The following GABBR2 variants were observed in gnomAD, a reference collection of about 807,000 sequenced individuals.
The protein encoded by GABBR2 is G-protein coupled receptor 51.
Under a neutral mutation model 105.6 loss-of-function variants are expected in GABBR2, and 23 were observed. The observed-to-expected ratio is 0.22, with a 90% CI of 0.16 to 0.31. The LOEUF (loss-of-function observed/expected upper bound fraction) is 0.31. GABBR2 is among the 10% of genes least tolerant of loss of function. GABBR2 has a pLI of 1.00. For missense variants in GABBR2, 734 were observed against 1,245.5 expected, an observed-to-expected ratio of 0.59 and a Z score of 6.18; for synonymous variants, 478 against 499.7, an observed-to-expected ratio of 0.96 and a Z score of 0.58.
intron 7 of GABBR2, among the ~76,000 whole-genome samples, chr9:98,409,002 A>T (rs933348112): frequency 3.9e-5 from 6 of 152,218 alleles, no homozygotes; most frequent in Admixed American, 2.0e-4. Flanking sequence ...TCAAGACGTT[A>T]TAAGAAAGCT....
intron 1 of GABBR2, among the ~76,000 whole-genome samples, chr9:98,703,730 C>A (rs1367409073): frequency 6.6e-6 from 1 of 151,976 alleles, no homozygotes; most frequent in Admixed American, 6.6e-5. Context: ...TGGCCTCAAG[C>A]AATCCTCTCA....
At chr9:98,412,254 A>G (rs1832604052) in intron 7 of GABBR2, among the ~76,000 whole-genome samples, 1 of 152,160 alleles carries the variant, frequency 6.6e-6, no homozygotes, top group Admixed American at 6.5e-5. Flanking sequence ...CTGAGTGAAG[A>G]CTCGCTGGGC....
At chr9:98,362,666 C>A in intron 13 of GABBR2, 49 bp downstream of exon 13, 1 of 1,435,528 alleles carries the variant, frequency 7.0e-7, no homozygotes, top group Non-Finnish European at 9.2e-7. Flanking sequence ...TCCTCATGTG[C>A]CAGGGGCTGC....
intron 6 of GABBR2, among the ~76,000 whole-genome samples, chr9:98,460,435 G>T (rs1826403845): frequency 6.6e-6 from 1 of 152,020 alleles, no homozygotes; most frequent in African/African-American, 2.4e-5. Context: ...ATTAAAAGAT[G>T]CAGAATGTCA....
At chr9:98,422,658 T>G (rs1217151470) in intron 7 of GABBR2, among the ~76,000 whole-genome samples, 2 of 152,058 alleles carry the variant, frequency 1.3e-5, no homozygotes, top group Non-Finnish European at 1.5e-5. Flanking sequence ...ATGTGCACAA[T>G]GTGCAGGTTA....
At chr9:98,479,010 T>A (rs957033321) in intron 5 of GABBR2, among the ~76,000 whole-genome samples, 4 of 152,164 alleles carry the variant, frequency 2.6e-5, no homozygotes, top group Non-Finnish European at 4.4e-5. Flanking sequence ...TTTTCCTTTT[T>A]AAAGTGGGTT....
chr9:98,396,430 C>A (rs1832291632), intron 8 of GABBR2, among the ~76,000 whole-genome samples: 1 of 152,230 alleles, frequency 6.6e-6, no homozygotes, highest in African/African-American at 2.4e-5. Flanking sequence ...AGGGAATCCC[C>A]TGGGCCACAC....
intron 1 of GABBR2, among the ~76,000 whole-genome samples, chr9:98,593,778 G>A (rs1204447620): frequency 6.6e-6 from 1 of 152,166 alleles, no homozygotes; most frequent in African/African-American, 2.4e-5. Flanking sequence ...GGGGCTGTAG[G>A]GTGGGTCCTC....
chr9:98,492,349 T>TAAAAAAAAAAAAAAAAAA (rs574771107), intron 4 of GABBR2, among the ~76,000 whole-genome samples: 361 of 29,180 alleles, frequency 0.012, 65 homozygotes, highest in African/African-American at 0.014. Context: ...TGTTTCCTAG[T>TAAAAAAAAAAAAAAAAAA]AAAAAAAAAA....
At chr9:98,432,390 A>T (rs1481657128) in intron 7 of GABBR2, among the ~76,000 whole-genome samples, 2 of 152,148 alleles carry the variant, frequency 1.3e-5, no homozygotes, top group Non-Finnish European at 2.9e-5. Context: ...ATCGCTGTAT[A>T]TATCTCTCTG....
rs766327575 is a variant in GABBR2, at chr9:98,303,215, C to T, written c.2412+26G>A. The stretch of plus-strand genomic sequence containing the variant: ...AGGGGCTTCAGTGGCAGACAGGGCC[C>T]AGCTACCAGATGCAGAGGGAGGTAC... On this transcript the variant is annotated intron_variant, in intron 16 of 18. Coordinates refer to ENST00000259455, the MANE Select transcript of GABBR2 (RefSeq NM_005458.8). 16 of 1,602,994 alleles carry T rather than the reference C, an allele frequency of 1.0e-5. No individual in the cohort carries two copies. The Admixed American group carries it at 2.5e-4, about 25-fold the overall frequency.
chr9:98,482,378 G>A (rs1057501340), intron 4 of GABBR2, among the ~76,000 whole-genome samples: 7 of 152,164 alleles, frequency 4.6e-5, no homozygotes, highest in South Asian at 2.1e-4. Context: ...TTAAAAGATC[G>A]TTAACAGAGC....
At chr9:98,634,221 C>G (rs1208559975) in intron 1 of GABBR2, among the ~76,000 whole-genome samples, 1 of 152,186 alleles carries the variant, frequency 6.6e-6, no homozygotes, top group East Asian at 1.9e-4. Flanking sequence ...TCTATACACG[C>G]AGGGAGGCCT....
chr9:98,585,625 A>G (rs1564122587), intron 1 of GABBR2, among the ~76,000 whole-genome samples: 3 of 151,494 alleles, frequency 2.0e-5, no homozygotes, highest in Non-Finnish European at 4.4e-5. Context: ...CATGTACCCT[A>G]AAACTTAAAG....
chr9:98,522,631 T>G (rs999833729), intron 3 of GABBR2, among the ~76,000 whole-genome samples: 1 of 152,178 alleles, frequency 6.6e-6, no homozygotes, highest in Non-Finnish European at 1.5e-5. Context: ...AGAGAGAAAT[T>G]GTGATTTATG....
chr9:98,650,181 C>A (rs1489382026), intron 1 of GABBR2, among the ~76,000 whole-genome samples: 2 of 152,196 alleles, frequency 1.3e-5, no homozygotes, highest in African/African-American at 4.8e-5. Context: ...GAATCAAAAT[C>A]ATCACCTCCT....
At chr9:98,650,263 T>C (rs556522612) in intron 1 of GABBR2, among the ~76,000 whole-genome samples, 1 of 152,342 alleles carries the variant, frequency 6.6e-6, no homozygotes, top group South Asian at 2.1e-4. Context: ...GATTGAATCC[T>C]GGCCCTGGCA....
chr9:98,612,894 A>G (rs1017620638), intron 1 of GABBR2, among the ~76,000 whole-genome samples: 1 of 152,228 alleles, frequency 6.6e-6, no homozygotes, highest in African/African-American at 2.4e-5. Context: ...AAAGAGAACT[A>G]TAGTCAAGCT....
chr9:98,643,169 G>A (rs112227332), intron 1 of GABBR2, among the ~76,000 whole-genome samples: 36 of 152,366 alleles, frequency 2.4e-4, no homozygotes, highest in African/African-American at 7.2e-4. Context: ...CTGGGCACTC[G>A]GAGGGGAGAG....
Sources: gnomAD v4.1 joint callset for allele counts (sites outside exome capture counted in the v4.1 genomes callset) on GRCh38, gnomAD v4.1.1 for gene constraint, MANE v1.5 for transcripts, NCBI Gene and HGNC (gene_info 2026-07-23, HGNC 2026-07-21) for gene names.